NECTIN1: variants seen among roughly 807,000 people sequenced by gnomAD.
NECTIN1 encodes the protein nectin cell adhesion molecule 1.
In NECTIN1, 23 loss-of-function variants were observed where a neutral mutation model predicts 48.0. That is an observed-to-expected ratio of 0.48 (90% confidence interval 0.34 to 0.68). The LOEUF is 0.68. Ranked by LOEUF, NECTIN1 falls within the 30% of genes least tolerant of loss-of-function variation. The pLI, the probability that NECTIN1 is intolerant of heterozygous loss-of-function variation, is 0.01. For missense variants in NECTIN1, 591 were observed against 709.9 expected, an observed-to-expected ratio of 0.83 and a Z score of 1.90; for synonymous variants, 270 against 288.9, an observed-to-expected ratio of 0.93 and a Z score of 0.66.
Position 119,673,123 on chromosome 11 carries a change from G to C in NECTIN1, c.1003+2036C>G, listed in dbSNP as rs1035701686. Among the ~76,000 whole-genome samples the C allele has an allele frequency of 6.6e-6, 1 of 152,248 alleles. No individual in the cohort carries two copies. The highest frequency in any genetic ancestry group is 2.4e-5 in the African/African-American group (1 of 41,470). On this transcript the variant is annotated intron_variant, in intron 5 of 5. Coordinates refer to ENST00000264025, the MANE Select transcript of NECTIN1 (RefSeq NM_002855.5). The surrounding 1 kb of genome is among the most constrained non-coding windows in gnomAD (Gnocchi z 5.8). The stretch of plus-strand genomic sequence containing the variant: ...CAAGGGCATGGCTGTGCCCTGCGGG[G>C]TGGGCTCCCCAGAGAATGTGGCAGG...
rs1200961921 is a variant in NECTIN1, at chr11:119,661,258, C to T, written c.*3489G>A. 22 of 985,674 alleles carry T rather than the reference C, an allele frequency of 2.2e-5. No homozygotes were observed. The highest frequency in any genetic ancestry group is 2.3e-4 in the East Asian group (2 of 8,824). 61.1% of individuals were successfully genotyped at this position (985,674 alleles called of 1,614,324 possible). A position where few individuals can be genotyped will look rare whatever the true frequency, so the allele number is the denominator to read the frequency against. On this transcript the variant is annotated 3_prime_UTR_variant, in exon 6 of 6. Coordinates refer to ENST00000264025, the MANE Select transcript of NECTIN1 (RefSeq NM_002855.5). The stretch of plus-strand genomic sequence containing the variant: ...TACAAAAAAGGAAAACCAATTTTTT[C>T]GACCAAGAATCCCATTCCTCACAGC...
At position 119,678,581 on chromosome 11, in the gene NECTIN1, G is replaced by A. The variant is rs7131391; in HGVS notation, c.264C>T (p.Ser88=). ...VAIYNPSMGV[S]VLAPYRERVE... is the part of the protein sequence containing the mutation. Reference sequence around the variant, plus strand: ...CACGCTCGCGGTAGGGAGCCAGCACGGACACGCCCATGGATGGGTTGTAGA... The same window carrying A: ...CACGCTCGCGGTAGGGAGCCAGCACAGACACGCCCATGGATGGGTTGTAGA... Residue 88 remains serine, a synonymous_variant, in exon 2 of 6, where the codon TCC becomes TCT. Transcript: ENST00000264025. The surrounding 1 kb of genome is among the most constrained non-coding windows in gnomAD (Gnocchi z 4.4). 4,391 of 1,614,172 alleles carry A rather than the reference G, an allele frequency of 2.7e-3. 23 individuals carry two copies. The highest frequency in any genetic ancestry group is 0.021 in the African/African-American group (1,584 of 75,024).
chr11:119,728,658 C>G lies in NECTIN1; in HGVS notation c.-105G>C. 5 of 334,352 alleles carry G rather than the reference C, an allele frequency of 1.5e-5. No homozygotes were observed. Among genetic ancestry groups the G allele is most frequent in the Non-Finnish European group, 2.5e-5 (5 of 200,948 alleles). The allele number at this position is 334,352 out of a possible 1,614,324, so 20.7% of individuals were successfully genotyped here. A position where few individuals can be genotyped will look rare whatever the true frequency, so the allele number is the denominator to read the frequency against. ...AGATCGCTGGCGGTCGGCGGGCGCTCGAAGGATCCAGGTCAGCTGCAGCCG... is the reference window on the plus strand; with the variant it reads ...AGATCGCTGGCGGTCGGCGGGCGCTGGAAGGATCCAGGTCAGCTGCAGCCG... On this transcript the variant is annotated 5_prime_UTR_variant, in exon 1 of 6. Transcript: ENST00000264025.
chr11:119,691,460 C>T (rs1221798401), intron 1 of NECTIN1, among the ~76,000 whole-genome samples: 2 of 152,222 alleles, frequency 1.3e-5, no homozygotes, highest in African/African-American at 2.4e-5. Context: ...GAGAGGCCAG[C>T]TGAGCTGAAG....
rs1591446936 is a variant in NECTIN1, at chr11:119,662,209, C to T, written c.*2538G>A. The T allele has an allele frequency of 1.0e-6, 1 of 985,472 alleles. No individual in the cohort carries two copies. The highest frequency in any genetic ancestry group is 1.2e-6 in the Non-Finnish European group (1 of 829,944). 61.0% of individuals were successfully genotyped at this position (985,472 alleles called of 1,614,324 possible). On this transcript the variant is annotated 3_prime_UTR_variant, in exon 6 of 6. Transcript: ENST00000264025. This position sits in a 1 kb window ranked among gnomAD's most constrained non-coding sequence, Gnocchi z 5.3. Reference sequence around the variant, plus strand: ...TGAAGGAGAAGCAAAATGTCCTCATCTCTCTGCTGGGCTAGACCTCCCTTT... The same window carrying T: ...TGAAGGAGAAGCAAAATGTCCTCATTTCTCTGCTGGGCTAGACCTCCCTTT...
At chr11:119,707,287 G>A (rs1168162019) in intron 1 of NECTIN1, among the ~76,000 whole-genome samples, 1 of 152,084 alleles carries the variant, frequency 6.6e-6, no homozygotes, top group South Asian at 2.1e-4. Context: ...TCCACTCCTG[G>A]GTCTTTTAGG....
intron 1 of NECTIN1, among the ~76,000 whole-genome samples, chr11:119,707,485 T>C (rs1469111392): frequency 6.6e-6 from 1 of 151,748 alleles, no homozygotes; most frequent in Non-Finnish European, 1.5e-5. Flanking sequence ...GTGACCACCA[T>C]GACACTCCAC....
At chr11:119,692,208 G>C (rs1240686606) in intron 1 of NECTIN1, among the ~76,000 whole-genome samples, 2 of 152,258 alleles carry the variant, frequency 1.3e-5, no homozygotes, top group Admixed American at 6.5e-5. Flanking sequence ...GGAGTCACTG[G>C]GTAGGGGTTG....
chr11:119,691,689 T>C (rs1161474105), intron 1 of NECTIN1, among the ~76,000 whole-genome samples: 3 of 152,212 alleles, frequency 2.0e-5, no homozygotes, highest in Admixed American at 1.3e-4. Context: ...GTAGGACCTA[T>C]GAACAAGTCT....
intron 5 of NECTIN1, among the ~76,000 whole-genome samples, chr11:119,666,385 A>G (rs1197620069): frequency 6.6e-6 from 1 of 152,198 alleles, no homozygotes; most frequent in African/African-American, 2.4e-5. Flanking sequence ...GGGACAGGAG[A>G]GAAGGCTGGG....
Position 119,664,429 on chromosome 11 carries a change from C to T in NECTIN1, c.*318G>A. On this transcript the variant is annotated 3_prime_UTR_variant, in exon 6 of 6. Coordinates refer to ENST00000264025, the MANE Select transcript of NECTIN1 (RefSeq NM_002855.5). Reference sequence around the variant, plus strand: ...TGGCTCCCCAAACCCTGGAGGGATGCCCAGGTACACAAGACGAGAACAGGG... The same window carrying T: ...TGGCTCCCCAAACCCTGGAGGGATGTCCAGGTACACAAGACGAGAACAGGG... The T allele has an allele frequency of 8.7e-7, 1 of 1,149,810 alleles. No homozygotes were observed. The highest frequency in any genetic ancestry group is 1.1e-6 in the Non-Finnish European group (1 of 932,430). The allele number at this position is 1,149,810 out of a possible 1,614,324, so 71.2% of individuals were successfully genotyped here. A position where few individuals can be genotyped will look rare whatever the true frequency, so the allele number is the denominator to read the frequency against.
At chr11:119,679,362 G>T (rs192696025) in intron 1 of NECTIN1, among the ~76,000 whole-genome samples, 6 of 152,264 alleles carry the variant, frequency 3.9e-5, no homozygotes, top group Admixed American at 1.3e-4. Context: ...GCCCACGGTG[G>T]CTGTCATCAT....
Position 119,644,487 on chromosome 11 carries a change from G to A in NECTIN1, c.1004-4475C>T, listed in dbSNP as rs574472511. On this transcript the variant is annotated intron_variant, in intron 5 of 7. Coordinates refer to the NECTIN1 transcript ENST00000341398. ...GAGCCCAGACATCCAGCTTCACGGC[G>A]TGCTCCCTTGCCCTACCTGTTGTTC... Among the ~76,000 whole-genome samples the A allele has an allele frequency of 2.4e-3, 365 of 152,288 alleles. 3 individuals carry two copies. The highest frequency in any genetic ancestry group is 7.9e-3 in the African/African-American group (327 of 41,560).
chr11:119,706,979 A>G (rs1039509215), intron 1 of NECTIN1, among the ~76,000 whole-genome samples: 6 of 152,118 alleles, frequency 3.9e-5, no homozygotes, highest in South Asian at 2.1e-4. Flanking sequence ...CTGTCCCTCA[A>G]TTCTCCCTCC....
rs1865922093 is a variant in NECTIN1, at chr11:119,727,131, CGTA to C, written c.79+1341_79+1343del. Among the ~76,000 whole-genome samples, 1 of 152,140 alleles carries C rather than the reference CGTA, an allele frequency of 6.6e-6. No individual in the cohort carries two copies. Among genetic ancestry groups the C allele is most frequent in the South Asian group, 2.1e-4 (1 of 4,830 alleles). On this transcript the variant is annotated intron_variant, in intron 1 of 5. Coordinates refer to ENST00000264025, the MANE Select transcript of NECTIN1 (RefSeq NM_002855.5). The surrounding 1 kb of genome is among the most constrained non-coding windows in gnomAD (Gnocchi z 4.1). ...CACTTAGTGAGATTGGCGGGGCCCT[CGTA>C]GTGAGCTGGCTGGCAGCAGAAGAGG... is the stretch of plus-strand genomic sequence containing the variant.
In NECTIN1 at chr11:119,728,593, C is replaced by G; in HGVS notation, c.-40G>C. On this transcript the variant is annotated 5_prime_UTR_variant, in exon 1 of 6. Coordinates refer to ENST00000264025, the MANE Select transcript of NECTIN1 (RefSeq NM_002855.5). The stretch of plus-strand genomic sequence containing the variant: ...CCGGCGAGAGGGGCGGCGAGGGCAG[C>G]GCTCCTCGCGCAGCAGAAACCAGCC... The G allele has an allele frequency of 1.4e-6, 2 of 1,403,612 alleles. No homozygotes were observed. Among genetic ancestry groups the G allele is most frequent in the Middle Eastern group, 2.0e-4 (1 of 5,046 alleles). 86.9% of individuals were successfully genotyped at this position (1,403,612 alleles called of 1,614,324 possible).
Position 119,662,009 on chromosome 11 carries a change from T to G in NECTIN1, c.*2738A>C. 1.0e-6 allele frequency: 1 copy of G among 985,300 alleles called. No homozygotes were observed. The highest frequency in any genetic ancestry group is 1.2e-6 in the Non-Finnish European group (1 of 829,902). 61.0% of individuals were successfully genotyped at this position (985,300 alleles called of 1,614,324 possible). On this transcript the variant is annotated 3_prime_UTR_variant, in exon 6 of 6. Transcript: ENST00000264025. This position sits in a 1 kb window ranked among gnomAD's most constrained non-coding sequence, Gnocchi z 5.3. Reference sequence around the variant, plus strand: ...TAAAAGGGGACTCGGCTGGTTCTATTACACATTAGAACAATATCAAAATCT... The same window carrying G: ...TAAAAGGGGACTCGGCTGGTTCTATGACACATTAGAACAATATCAAAATCT...
intron 1 of NECTIN1, among the ~76,000 whole-genome samples, chr11:119,679,076 T>C (rs936405587): frequency 6.6e-6 from 1 of 152,210 alleles, no homozygotes; most frequent in African/African-American, 2.4e-5. Flanking sequence ...GTACATATTA[T>C]CCCATAAGCT....
intron 1 of NECTIN1, among the ~76,000 whole-genome samples, chr11:119,724,869 C>T (rs555751984): frequency 6.6e-6 from 1 of 152,340 alleles, no homozygotes; most frequent in African/African-American, 2.4e-5. Flanking sequence ...TTAAGTTCCA[C>T]AGCTGGCTCA....
Sources: allele counts gnomAD v4.1 joint callset (sites outside exome capture counted in the v4.1 genomes callset), GRCh38; gene constraint gnomAD v4.1.1; non-coding constraint Gnocchi (gnomAD v3.1); transcripts MANE v1.5; gene names NCBI Gene and HGNC (gene_info 2026-07-23, HGNC 2026-07-21).